The following MYO18A variants were observed in gnomAD, a reference collection of about 807,000 sequenced individuals.
The protein encoded by MYO18A is unconventional myosin-XVIIIa.
In MYO18A, 78 loss-of-function variants were observed where a neutral mutation model predicts 235.8. The ratio of observed to expected loss-of-function variants is 0.33; its 90% CI spans 0.28 to 0.40. MYO18A has a LOEUF of 0.40. MYO18A is among the 10% of genes least tolerant of loss of function. The probability of loss-of-function intolerance (pLI) is 1.00; values close to 1 mark genes in which losing one functional copy is unlikely to be tolerated. For missense variants in MYO18A, 2,215 were observed against 2,699.3 expected (o/e 0.82, Z 3.98); for synonymous variants, 977 against 1,077.8 (o/e 0.91, Z 1.83).
Position 29,166,911 on chromosome 17 carries a change from G to T in MYO18A, c.30C>A (p.Asp10Glu). The change falls in exon 2 of 42, where the codon GAC becomes GAA. Residue 10 changes from aspartate (D) to glutamate (E), a missense_variant. Physicochemically the swap from Asp to Glu is conservative, Grantham distance 45. Transcript: ENST00000527372. MFNLMKKDK[D>E]KDGGRKEKKE... ...TCTTCTCCTTCCGCCCGCCATCTTT[G>T]TCCTTGTCTTTCTTCATTAGGTTAA... 1 of 1,548,172 alleles carries T rather than the reference G, an allele frequency of 6.5e-7. No homozygotes were observed. Among genetic ancestry groups the T allele is most frequent in the East Asian group, 2.4e-5 (1 of 40,836 alleles).
chr17:29,098,486 G>A, intron 23 of MYO18A, 41 bp from the exon 24 acceptor site: 1 of 1,607,966 alleles, frequency 6.2e-7, no homozygotes, highest in South Asian at 1.1e-5. Flanking sequence ...CAAAGGCACT[G>A]CGAGGGATTG....
In MYO18A at chr17:29,097,838, C is replaced by A; in HGVS notation, c.4052G>T (p.Arg1351Leu). The A allele has an allele frequency of 6.2e-7, 1 of 1,613,890 alleles. No individual in the cohort carries two copies. Among genetic ancestry groups the A allele is most frequent in the Non-Finnish European group, 8.5e-7 (1 of 1,179,810 alleles). Residue 1351 changes from arginine to leucine, a missense_variant, in exon 26 of 42, where the codon CGT (arginine) becomes CTT (leucine). By Grantham distance (102) the Arg-to-Leu change is moderately radical. Coordinates refer to ENST00000527372, the MANE Select transcript of MYO18A (RefSeq NM_078471.4). Reference protein sequence around the residue: ...EVMEMEVMEARLIRAAEINGE... With the variant: ...EVMEMEVMEALLIRAAEINGE... The stretch of plus-strand genomic sequence containing the variant: ...GTTGATCTCCGCTGCCCGGATGAGA[C>A]GGGCCTCCATCACCTCCATTTCCAT...
intron 22 of MYO18A, 118 bp from the exon 23 acceptor site, chr17:29,099,087 C>G (rs1052928846): frequency 7.7e-7 from 1 of 1,298,366 alleles, no homozygotes; most frequent in Non-Finnish European, 1.1e-6. Context: ...GGCCCCCTGA[C>G]CCCGAGTCAG....
intron 1 of MYO18A, among the ~76,000 whole-genome samples, chr17:29,176,972 G>T (rs980861151): frequency 7.2e-5 from 11 of 152,224 alleles, no homozygotes; most frequent in Non-Finnish European, 1.5e-5. Context: ...GGAGGAACGC[G>T]AGCGGGAGAG....
At position 29,140,387 on chromosome 17, in the gene MYO18A, G is replaced by A; in HGVS notation, c.1000-18134C>T. 1 of 1,284,500 alleles carries A rather than the reference G, an allele frequency of 7.8e-7. No homozygotes were observed. The highest frequency in any genetic ancestry group is 5.7e-5 in the East Asian group (1 of 17,562). 79.6% of individuals were successfully genotyped at this position (1,284,500 alleles called of 1,614,324 possible). A position where few individuals can be genotyped will look rare whatever the true frequency, so the allele number is the denominator to read the frequency against. On this transcript the variant is annotated intron_variant, in intron 2 of 41. Coordinates refer to ENST00000527372, the MANE Select transcript of MYO18A (RefSeq NM_078471.4). The surrounding 1 kb of genome is among the most constrained non-coding windows in gnomAD (Gnocchi z 4.2). ...GCCCAGAGCAAGGAGACTCCGCTCT[G>A]ATGCTGCTCTGGCTCCGTTAGCAGC...
intron 2 of MYO18A, among the ~76,000 whole-genome samples, chr17:29,132,633 G>C (rs1240073345): frequency 1.3e-5 from 2 of 152,178 alleles, no homozygotes; most frequent in East Asian, 1.9e-4. Flanking sequence ...GGCTAATTTT[G>C]AGCTCAAATT....
At chr17:29,091,414 G>C (rs2152756262) in intron 34 of MYO18A, 1 of 333,904 alleles carries the variant, frequency 3.0e-6, no homozygotes, top group East Asian at 8.6e-5. Context: ...GGGGAAGAGA[G>C]ATCCAACAGC....
intron 28 of MYO18A, among the ~76,000 whole-genome samples, 162 bp from the exon 29 acceptor site, chr17:29,095,221 T>C (rs983256922): frequency 6.6e-6 from 1 of 152,020 alleles, no homozygotes; most frequent in African/African-American, 2.4e-5. Flanking sequence ...CATTTAGAGG[T>C]GGCAGGTCAG....
chr17:29,083,516 ATGTGTGCGCG>A lies in MYO18A; in HGVS notation c.5898-1088_5898-1079del, dbSNP rs1568038515. On this transcript the variant is annotated intron_variant, in intron 40 of 41. Transcript: ENST00000527372. ...TTCTTAAATAAACAGCCACACAGGC[ATGTGTGCGCG>A]CGCGCGCACACACACACACACACAC... 4.8e-3 allele frequency among the ~76,000 whole-genome samples: 688 copies of A among 144,262 alleles called. 13 individuals carry two copies. Among genetic ancestry groups the A allele is most frequent in the African/African-American group, 0.014 (553 of 38,416 alleles). 94.6% of individuals were successfully genotyped at this position (144,262 alleles called of 152,430 possible). A position where few individuals can be genotyped will look rare whatever the true frequency, so the allele number is the denominator to read the frequency against.
intron 2 of MYO18A, among the ~76,000 whole-genome samples, chr17:29,134,611 C>T (rs1199891439): frequency 5.3e-5 from 8 of 152,142 alleles, no homozygotes; most frequent in Non-Finnish European, 8.8e-5. Context: ...CAACCTCCAC[C>T]TCCCGGACTC....
intron 29 of MYO18A, 32 bp from the exon 30 acceptor site, chr17:29,094,882 C>CT (rs1266633365): frequency 5.0e-6 from 8 of 1,613,966 alleles, no homozygotes; most frequent in Non-Finnish European, 6.8e-6. Context: ...TGGTGCAGGG[C>CT]TGACCCCAGG....
chr17:29,156,356 T>C (rs1257187806), intron 2 of MYO18A, among the ~76,000 whole-genome samples: 1 of 152,076 alleles, frequency 6.6e-6, no homozygotes, highest in Non-Finnish European at 1.5e-5. Context: ...TCATGTGGGC[T>C]CCTGTGTGGG....
intron 2 of MYO18A, chr17:29,128,268 G>A: frequency 1.7e-6 from 2 of 1,176,028 alleles, no homozygotes; most frequent in Non-Finnish European, 2.1e-6. Context: ...GGGTGCTCGG[G>A]GGACTTGACT....
Position 29,158,574 on chromosome 17 carries a change from C to T in MYO18A, c.999+7368G>A, listed in dbSNP as rs766582573. On this transcript the variant is annotated intron_variant, in intron 2 of 41. Transcript: ENST00000527372. This position sits in a 1 kb window ranked among gnomAD's most constrained non-coding sequence, Gnocchi z 4.3. ...CAGATGCCTGGGGCACAACCATACC[C>T]GCTGCCCAGGACTGACAATGGAGGC... is the stretch of plus-strand genomic sequence containing the variant. Among the ~76,000 whole-genome samples the T allele has an allele frequency of 6.6e-6, 1 of 152,136 alleles. No homozygotes were observed. Among genetic ancestry groups the T allele is most frequent in the South Asian group, 2.1e-4 (1 of 4,830 alleles).
chr17:29,114,106 G>C lies in MYO18A; in HGVS notation c.2512-9C>G. 6.3e-7 allele frequency: 1 copy of C among 1,587,196 alleles called. No homozygotes were observed. ...GCCAGCTCGATGTTCTCCTGGGAAAGAAGGCCGAGCGGTAGTGAGCATGGG... is the reference window on the plus strand; with the variant it reads ...GCCAGCTCGATGTTCTCCTGGGAAACAAGGCCGAGCGGTAGTGAGCATGGG... On this transcript the variant is annotated splice_polypyrimidine_tract_variant and intron_variant, in intron 14 of 41. Coordinates refer to ENST00000527372, the MANE Select transcript of MYO18A (RefSeq NM_078471.4).
chr17:29,171,551 C>T (rs148632231), intron 1 of MYO18A, among the ~76,000 whole-genome samples: 53 of 152,052 alleles, frequency 3.5e-4, no homozygotes, highest in African/African-American at 1.2e-3. Flanking sequence ...GTATTTGGGG[C>T]GAAATATACT....
chr17:29,094,770 C>T lies in MYO18A; in HGVS notation c.4590G>A (p.Glu1530=). The change falls in exon 30 of 42, where the codon GAG becomes GAA. Residue 1530 remains glutamate, a synonymous_variant. Transcript: ENST00000527372. ...EAELQDISSQ[E]SKDEASLAKV... is the part of the protein sequence containing the mutation. The stretch of plus-strand genomic sequence containing the variant: ...TGGCCAGAGAAGCCTCATCCTTGGA[C>T]TCTTGGGAAGAAATGTCCTGGAGCT... The T allele has an allele frequency of 3.7e-6, 6 of 1,614,072 alleles. No individual in the cohort carries two copies. Among genetic ancestry groups the T allele is most frequent in the Non-Finnish European group, 5.1e-6 (6 of 1,179,908 alleles).
chr17:29,082,829 T>C (rs2066154046), intron 40 of MYO18A, among the ~76,000 whole-genome samples: 1 of 152,212 alleles, frequency 6.6e-6, no homozygotes, highest in African/African-American at 2.4e-5. Context: ...TACTCTGCTG[T>C]TTCTTGTCTG....
At chr17:29,101,047 G>C (rs2066640584) in intron 21 of MYO18A, among the ~76,000 whole-genome samples, 1 of 152,192 alleles carries the variant, frequency 6.6e-6, no homozygotes, top group Admixed American at 6.5e-5. Context: ...ACCCAGGCTG[G>C]AGTAAAGTGG....
Sources: allele counts gnomAD v4.1 joint callset (sites outside exome capture counted in the v4.1 genomes callset), GRCh38; gene constraint gnomAD v4.1.1; non-coding constraint Gnocchi (gnomAD v3.1); transcripts MANE v1.5; gene names NCBI Gene and HGNC (gene_info 2026-07-23, HGNC 2026-07-21).